SLC43A1: variants seen among roughly 807,000 people sequenced by gnomAD.
SLC43A1 encodes solute carrier family 43 member 1.
In SLC43A1, 31 loss-of-function variants were observed where a neutral mutation model predicts 59.5. The observed-to-expected ratio is 0.52, with a 90% CI of 0.39 to 0.70. SLC43A1 has a LOEUF of 0.70. Ranked by LOEUF, SLC43A1 falls within the 30% of genes least tolerant of loss-of-function variation. The pLI, the probability that SLC43A1 is intolerant of heterozygous loss-of-function variation, is 0.00. For missense variants in SLC43A1, 598 were observed against 717.8 expected (o/e 0.83, Z 1.91); for synonymous variants, 259 against 290.9 (o/e 0.89, Z 1.12).
chr11:57,507,479 A>G (rs1484184127), intron 2 of SLC43A1, among the ~76,000 whole-genome samples: 1 of 152,116 alleles, frequency 6.6e-6, no homozygotes, highest in Non-Finnish European at 1.5e-5. Context: ...AAAAATAAAA[A>G]TAAAAAATAA....
At chr11:57,489,476 T>A in intron 11 of SLC43A1, 84 bp from the exon 12 acceptor site, 2 of 1,514,314 alleles carry the variant, frequency 1.3e-6, no homozygotes, top group South Asian at 1.2e-5. Context: ...CCCCTTCAGA[T>A]GTGCCTTCGA....
At chr11:57,492,575 A>ATATAT (rs1565128063) in intron 8 of SLC43A1, among the ~76,000 whole-genome samples, 9 of 23,660 alleles carry the variant, frequency 3.8e-4, no homozygotes, top group African/African-American at 1.2e-3. Context: ...TATATATATA[A>ATATAT]AAAAATAAGC....
intron 2 of SLC43A1, among the ~76,000 whole-genome samples, chr11:57,502,364 C>A (rs1944289280): frequency 6.6e-6 from 1 of 152,238 alleles, no homozygotes; most frequent in African/African-American, 2.4e-5. Flanking sequence ...CAAAGAATGC[C>A]TAACCCACGA....
intron 2 of SLC43A1, among the ~76,000 whole-genome samples, chr11:57,509,417 G>C (rs1026702261): frequency 6.6e-6 from 1 of 151,486 alleles, no homozygotes; most frequent in Non-Finnish European, 1.5e-5. Flanking sequence ...GTGAAACCCC[G>C]TCTCTACTAA....
chr11:57,491,682 C>T (rs1046144819), intron 9 of SLC43A1, 34 bp downstream of exon 9: 7 of 1,614,076 alleles, frequency 4.3e-6, no homozygotes, highest in African/African-American at 2.7e-5. Context: ...CCCGCCTGTG[C>T]CCCCAACCCC....
chr11:57,490,497 C>T (rs564641799), intron 11 of SLC43A1, among the ~76,000 whole-genome samples: 78 of 152,240 alleles, frequency 5.1e-4, no homozygotes, highest in Non-Finnish European at 8.8e-4. Context: ...AGAGAAGATA[C>T]GGGGTCTCTG....
chr11:57,492,438 T>C (rs1171567582), intron 8 of SLC43A1, among the ~76,000 whole-genome samples: 2 of 130,470 alleles, frequency 1.5e-5, no homozygotes, highest in Non-Finnish European at 3.2e-5. Context: ...AAAATATATA[T>C]ATATATAAAA....
chr11:57,502,615 A>C (rs1408741452), intron 2 of SLC43A1, among the ~76,000 whole-genome samples: 1 of 152,178 alleles, frequency 6.6e-6, no homozygotes, highest in Non-Finnish European at 1.5e-5. Context: ...TCACACCTGT[A>C]ATCTCAGGAC....
chr11:57,492,553 TATATATATATATATATATATAA>T (rs1475097331), intron 8 of SLC43A1, among the ~76,000 whole-genome samples: 5 of 66,552 alleles, frequency 7.5e-5, no homozygotes, highest in South Asian at 1.0e-3. Flanking sequence ...TATATATATA[TATATATATATATATATATATAA>T]AAAAATAAGC....
At chr11:57,490,935 C>T (rs1487266631) in intron 11 of SLC43A1, among the ~76,000 whole-genome samples, 1 of 152,212 alleles carries the variant, frequency 6.6e-6, no homozygotes, top group Admixed American at 6.5e-5. Context: ...ACCTCGGTTT[C>T]CTCAACTGCA....
intron 2 of SLC43A1, among the ~76,000 whole-genome samples, chr11:57,505,442 G>A (rs781717972): frequency 3.9e-5 from 6 of 151,922 alleles, no homozygotes; most frequent in Non-Finnish European, 7.4e-5. Flanking sequence ...AACCCAGGAG[G>A]CAGAGGTTCC....
chr11:57,485,930 C>T (rs1237025686), intron 14 of SLC43A1, among the ~76,000 whole-genome samples: 1 of 152,244 alleles, frequency 6.6e-6, no homozygotes, highest in East Asian at 1.9e-4. Context: ...GGTGGCCCCA[C>T]AGGGCAGATG....
chr11:57,514,831 C>A lies in SLC43A1; in HGVS notation c.-14+613G>T, dbSNP rs1251455804. The A allele has an allele frequency of 3.0e-6, 3 of 985,576 alleles. No homozygotes were observed. The highest frequency in any genetic ancestry group is 3.6e-6 in the Non-Finnish European group (3 of 830,076). 61.1% of individuals were successfully genotyped at this position (985,576 alleles called of 1,614,324 possible). On this transcript the variant is annotated intron_variant, in intron 1 of 14. Coordinates refer to ENST00000278426, the MANE Select transcript of SLC43A1 (RefSeq NM_003627.6). The surrounding 1 kb of genome is among the most constrained non-coding windows in gnomAD (Gnocchi z 5.5). ...TTGCACCTCGGAACCCGCTTGCCCCCCTCCAGCCCCGGGAGGGGGCTCGGA... is the reference window on the plus strand; with the variant it reads ...TTGCACCTCGGAACCCGCTTGCCCCACTCCAGCCCCGGGAGGGGGCTCGGA...
At chr11:57,486,528 G>A (rs1161231389) in intron 14 of SLC43A1, among the ~76,000 whole-genome samples, 14 of 150,038 alleles carry the variant, frequency 9.3e-5, no homozygotes, top group East Asian at 2.0e-4. Context: ...GGCCGGGCGC[G>A]GTGGCTAAGG....
At chr11:57,488,580 A>G (rs1360519721) in intron 13 of SLC43A1, among the ~76,000 whole-genome samples, 1 of 152,228 alleles carries the variant, frequency 6.6e-6, no homozygotes, top group Admixed American at 6.5e-5. Context: ...GGGACTGTCC[A>G]ACATGAAGAG....
intron 6 of SLC43A1, among the ~76,000 whole-genome samples, chr11:57,496,429 T>A (rs1000013983): frequency 6.6e-6 from 1 of 152,232 alleles, no homozygotes; most frequent in Non-Finnish European, 1.5e-5. Context: ...GCTCAAAATA[T>A]CTCTGAAATT....
chr11:57,492,566 ATATATAT>A, intron 8 of SLC43A1, among the ~76,000 whole-genome samples: 13 of 28,780 alleles, frequency 4.5e-4, no homozygotes, highest in African/African-American at 1.5e-3. Context: ...ATATATATAT[ATATATAT>A]AAAAAAATAA....
intron 6 of SLC43A1, among the ~76,000 whole-genome samples, chr11:57,496,743 G>T (rs1248075717): frequency 6.6e-6 from 1 of 152,248 alleles, no homozygotes; most frequent in Non-Finnish European, 1.5e-5. Context: ...CCCAGGGCAG[G>T]TAAGTTCTCA....
Position 57,514,219 on chromosome 11 carries a change from C to G in SLC43A1, c.-13-95G>C. 1 of 1,389,050 alleles carries G rather than the reference C, an allele frequency of 7.2e-7. No individual in the cohort carries two copies. The highest frequency in any genetic ancestry group is 9.5e-7 in the Non-Finnish European group (1 of 1,055,402). 86.0% of individuals were successfully genotyped at this position (1,389,050 alleles called of 1,614,324 possible). A position where few individuals can be genotyped will look rare whatever the true frequency, so the allele number is the denominator to read the frequency against. On this transcript the variant is annotated intron_variant, in intron 1 of 14. Transcript: ENST00000278426. The surrounding 1 kb of genome is among the most constrained non-coding windows in gnomAD (Gnocchi z 5.5). The stretch of plus-strand genomic sequence containing the variant: ...GCACCCGAGACCTCTCGGGCCAGCC[C>G]GCGAGGAGCCCCTCATGGAGGCCCC...
Sources: gnomAD v4.1 joint callset for allele counts (sites outside exome capture counted in the v4.1 genomes callset) on GRCh38, gnomAD v4.1.1 for gene constraint, Gnocchi (gnomAD v3.1) non-coding constraint, MANE v1.5 for transcripts, NCBI Gene and HGNC (gene_info 2026-07-23, HGNC 2026-07-21) for gene names.